The following PDE10A variants were observed in gnomAD, a reference collection of about 807,000 sequenced individuals.
The protein encoded by PDE10A is phosphodiesterase 10A.
A neutral mutation model predicts 97.7 loss-of-function variants in PDE10A; 39 were observed. That is an observed-to-expected ratio of 0.40 (90% CI 0.31 to 0.52). The LOEUF is 0.52. Among genes scored for constraint, PDE10A ranks in the 20% least tolerant of loss-of-function variants. The probability of loss-of-function intolerance (pLI) is 0.56; values close to 1 mark genes in which losing one functional copy is unlikely to be tolerated. For synonymous variants in PDE10A, 371 were observed against 376.8 expected, an observed-to-expected ratio of 0.98 and a Z score of 0.18; for missense variants, 731 against 1,047.8, an observed-to-expected ratio of 0.70 and a Z score of 4.17.
intron 2 of PDE10A, among the ~76,000 whole-genome samples, chr6:165,504,016 A>G (rs921333526): frequency 2.6e-5 from 4 of 152,210 alleles, no homozygotes; most frequent in Admixed American, 2.6e-4. Flanking sequence ...GTTAATTATA[A>G]TCAATTACAA....
rs78687621 is a variant in PDE10A at position 165,410,062 on chromosome 6, G to T, written c.2076+3439C>A. Among the ~76,000 whole-genome samples, 896 of 152,120 alleles carry T rather than the reference G, an allele frequency of 5.9e-3. 10 individuals carry two copies. The highest frequency in any genetic ancestry group is 0.02 in the African/African-American group (846 of 41,508). On this transcript the variant is annotated intron_variant, in intron 13 of 21. Coordinates refer to ENST00000539869, the MANE Select transcript of PDE10A (RefSeq NM_001385079.1). ...ACATGGACAAATGAATAAATTTTAA[G>T]ATGATCAATTTCCATATTCTTAACT...
chr6:165,666,286 TA>T (rs1790494344), upstream of PDE10A, among the ~76,000 whole-genome samples: 1 of 152,232 alleles, frequency 6.6e-6, no homozygotes, highest in African/African-American at 2.4e-5. Context: ...CTTTTTTAAA[TA>T]ATAACCTTTC....
intron 1 of PDE10A, among the ~76,000 whole-genome samples, chr6:165,752,127 A>G: frequency 1.3e-5 from 1 of 78,572 alleles, no homozygotes; most frequent in African/African-American, 5.2e-5. Flanking sequence ...TGGGCAACAG[A>G]GCAAAAAAAA....
At chr6:165,345,544 T>C (rs1782251310) in intron 18 of PDE10A, among the ~76,000 whole-genome samples, 1 of 152,198 alleles carries the variant, frequency 6.6e-6, no homozygotes, top group South Asian at 2.1e-4. Context: ...CTGAGGTAGA[T>C]CCTTAACTCC....
At chr6:165,497,200 A>G (rs1478868236) in intron 2 of PDE10A, among the ~76,000 whole-genome samples, 1 of 152,200 alleles carries the variant, frequency 6.6e-6, no homozygotes, top group Non-Finnish European at 1.5e-5. Flanking sequence ...AACTTGTTGT[A>G]ATCACATTTT....
intron 1 of PDE10A, among the ~76,000 whole-genome samples, chr6:165,887,827 G>A (rs1410977482): frequency 6.6e-6 from 1 of 152,128 alleles, no homozygotes; most frequent in Admixed American, 6.5e-5. Context: ...TTACAATAAT[G>A]GGAGCCAGAG....
chr6:165,606,762 T>G (rs975266344), intron 1 of PDE10A, among the ~76,000 whole-genome samples: 8 of 151,944 alleles, frequency 5.3e-5, no homozygotes, highest in African/African-American at 1.9e-4. Context: ...GTAAATCAAG[T>G]ATGAGGAAAA....
intron 5 of PDE10A, among the ~76,000 whole-genome samples, chr6:165,436,524 A>G (rs954445764): frequency 2.0e-5 from 3 of 152,190 alleles, no homozygotes; most frequent in Non-Finnish European, 2.9e-5. Flanking sequence ...ATTAATAACA[A>G]TTATAAATGA....
intron 1 of PDE10A, among the ~76,000 whole-genome samples, chr6:165,643,964 A>G (rs1164488753): frequency 1.3e-5 from 2 of 152,226 alleles, no homozygotes; most frequent in African/African-American, 4.8e-5. Context: ...AACATATGCC[A>G]TTACTAGTCA....
At chr6:165,744,030 CT>C (rs1482900336) in intron 1 of PDE10A, among the ~76,000 whole-genome samples, 5 of 152,264 alleles carry the variant, frequency 3.3e-5, no homozygotes, top group East Asian at 3.9e-4. Flanking sequence ...TCACTTCCCC[CT>C]AATGCCTCCT....
At chr6:165,891,026 G>A (rs980287111) in intron 1 of PDE10A, among the ~76,000 whole-genome samples, 1 of 152,140 alleles carries the variant, frequency 6.6e-6, no homozygotes, top group Non-Finnish European at 1.5e-5. Context: ...TTTTGAAACT[G>A]AAAGATCTTG....
intron 1 of PDE10A, among the ~76,000 whole-genome samples, chr6:165,622,101 A>G (rs1788167484): frequency 6.6e-6 from 1 of 152,116 alleles, no homozygotes; most frequent in Non-Finnish European, 1.5e-5. Flanking sequence ...CAAGACTGAA[A>G]CACGGAAACA....
At chr6:165,511,469 G>C (rs1350943793) in intron 2 of PDE10A, among the ~76,000 whole-genome samples, 1 of 151,962 alleles carries the variant, frequency 6.6e-6, no homozygotes, top group Non-Finnish European at 1.5e-5. Context: ...TCCATGTGCT[G>C]ATGAGAAGAA....
intron 2 of PDE10A, among the ~76,000 whole-genome samples, chr6:165,542,782 C>T (rs1163816508): frequency 2.0e-5 from 3 of 151,752 alleles, no homozygotes; most frequent in Non-Finnish European, 4.4e-5. Flanking sequence ...CCATGCCCGG[C>T]TAATTTTTTG....
chr6:165,622,964 C>G (rs1009390308), intron 1 of PDE10A, among the ~76,000 whole-genome samples: 12 of 152,200 alleles, frequency 7.9e-5, no homozygotes, highest in African/African-American at 2.6e-4. Flanking sequence ...CTCCTCCCCC[C>G]ACCCTTACTC....
At chr6:165,941,353 G>GT (rs1783511438) in intron 1 of PDE10A, among the ~76,000 whole-genome samples, 1 of 152,172 alleles carries the variant, frequency 6.6e-6, no homozygotes, top group African/African-American at 2.4e-5. Context: ...TTAAGGCCTT[G>GT]TTTTCAAGAG....
chr6:165,848,399 T>G (rs1206180731), intron 1 of PDE10A, among the ~76,000 whole-genome samples: 1 of 152,166 alleles, frequency 6.6e-6, no homozygotes, highest in African/African-American at 2.4e-5. Context: ...TGGAGTGGCT[T>G]GTCACTTTAC....
At chr6:165,757,711 T>A (rs936605526) in intron 1 of PDE10A, among the ~76,000 whole-genome samples, 4 of 152,236 alleles carry the variant, frequency 2.6e-5, no homozygotes, top group African/African-American at 9.6e-5. Context: ...TATGTCTTTG[T>A]GATTCTGTTT....
chr6:165,494,098 C>T (rs1376689200), intron 2 of PDE10A, among the ~76,000 whole-genome samples: 1 of 152,056 alleles, frequency 6.6e-6, no homozygotes, highest in Non-Finnish European at 1.5e-5. Flanking sequence ...CAAGGAACTG[C>T]AAATCAAAAC....
Sources: gnomAD v4.1 joint callset for allele counts (sites outside exome capture counted in the v4.1 genomes callset) on GRCh38, gnomAD v4.1.1 for gene constraint, MANE v1.5 for transcripts, NCBI Gene and HGNC (gene_info 2026-07-23, HGNC 2026-07-21) for gene names.